MIER1: variants seen among roughly 807,000 people sequenced by gnomAD.
The protein encoded by MIER1 is MIER1 transcriptional regulator, also known as mesoderm induction early response protein 1.
MIER1 carries 40 observed loss-of-function variants against 75.7 expected under a neutral mutation model. The ratio of observed to expected loss-of-function variants is 0.53; its 90% CI spans 0.41 to 0.69. The LOEUF (loss-of-function observed/expected upper bound fraction) is 0.69. Ranked by LOEUF, MIER1 falls within the 30% of genes least tolerant of loss-of-function variation. The probability of loss-of-function intolerance (pLI) is 0.00; values close to 1 mark genes in which losing one functional copy is unlikely to be tolerated. For synonymous variants in MIER1, 213 were observed against 223.4 expected (o/e 0.95, Z 0.42); for missense variants, 574 against 680.2 (o/e 0.84, Z 1.74).
chr1:66,974,554 C>T (rs780114720), intron 11 of MIER1, among the ~76,000 whole-genome samples: 3 of 151,902 alleles, frequency 2.0e-5, no homozygotes, highest in Non-Finnish European at 2.9e-5. Flanking sequence ...CAAGCAGCAG[C>T]AACAACCCTG....
chr1:66,965,960 T>A (rs1570416750), intron 8 of MIER1, among the ~76,000 whole-genome samples: 2 of 152,188 alleles, frequency 1.3e-5, no homozygotes, highest in East Asian at 3.8e-4. Flanking sequence ...TGACCTTCAG[T>A]TCCATCCATG....
intron 3 of MIER1, among the ~76,000 whole-genome samples, chr1:66,944,107 A>C (rs889702375): frequency 6.6e-6 from 1 of 152,050 alleles, no homozygotes; most frequent in Non-Finnish European, 1.5e-5. Context: ...TATGGTAAGC[A>C]CTCAAAAAAA....
intron 4 of MIER1, among the ~76,000 whole-genome samples, chr1:66,949,667 C>CT (rs1307172610): frequency 6.6e-6 from 1 of 152,146 alleles, no homozygotes; most frequent in Admixed American, 6.6e-5. Context: ...GTTATTAACT[C>CT]TTTAGGTTTG....
intron 8 of MIER1, among the ~76,000 whole-genome samples, chr1:66,966,069 G>A (rs555504384): frequency 1.3e-5 from 2 of 151,704 alleles, no homozygotes; most frequent in South Asian, 2.1e-4. Context: ...AAGTTCTAGG[G>A]TACATGTGCA....
At chr1:66,936,034 A>G (rs1271669204) in intron 2 of MIER1, among the ~76,000 whole-genome samples, 1 of 152,120 alleles carries the variant, frequency 6.6e-6, no homozygotes, top group Non-Finnish European at 1.5e-5. Flanking sequence ...AAAATATATC[A>G]GTAGGATAAG....
intron 2 of MIER1, among the ~76,000 whole-genome samples, chr1:66,938,635 C>A (rs1282121546): frequency 6.6e-6 from 1 of 152,140 alleles, no homozygotes; most frequent in Middle Eastern, 3.2e-3. Context: ...TTGCATTACT[C>A]TTGTCATGTC....
Position 66,986,001 on chromosome 1 carries a change from C to G in MIER1, c.*1101C>G, listed in dbSNP as rs1666734840. On this transcript the variant is annotated 3_prime_UTR_variant, in exon 14 of 14. Coordinates refer to ENST00000401041, the MANE Select transcript of MIER1 (RefSeq NM_001077700.3). ...TAAATATATCATGCTGACCAGAATC[C>G]TGTTATTTTTATATGCATCATAAAA... 1 of 989,412 alleles carries G rather than the reference C, an allele frequency of 1.0e-6. No individual in the cohort carries two copies. The highest frequency in any genetic ancestry group is 4.6e-5 in the South Asian group (1 of 21,610). 61.3% of individuals were successfully genotyped at this position (989,412 alleles called of 1,614,324 possible). A position where few individuals can be genotyped will look rare whatever the true frequency, so the allele number is the denominator to read the frequency against.
intron 2 of MIER1, among the ~76,000 whole-genome samples, chr1:66,930,895 G>A (rs1488103110): frequency 6.6e-6 from 1 of 152,010 alleles, no homozygotes; most frequent in Non-Finnish European, 1.5e-5. Context: ...TTTCATGATC[G>A]TGGTAAAATG....
At chr1:66,974,718 A>G (rs1191594254) in intron 11 of MIER1, among the ~76,000 whole-genome samples, 2 of 152,180 alleles carry the variant, frequency 1.3e-5, no homozygotes, top group Non-Finnish European at 2.9e-5. Context: ...GCTGACCTCT[A>G]CATAATACAC....
At chr1:66,926,068 A>T in intron 1 of MIER1, 74 bp from the exon 2 acceptor site, 1 of 1,207,988 alleles carries the variant, frequency 8.3e-7, no homozygotes, top group Non-Finnish European at 1.2e-6. Flanking sequence ...TAAAAATGCG[A>T]AACAGGGTGG....
At chr1:66,983,238 TAC>T (rs975901374) in intron 13 of MIER1, among the ~76,000 whole-genome samples, 10 of 152,262 alleles carry the variant, frequency 6.6e-5, no homozygotes, top group African/African-American at 9.6e-5. Context: ...TTTGAAATCT[TAC>T]AGTTATTTTT....
intron 11 of MIER1, among the ~76,000 whole-genome samples, chr1:66,973,847 A>G (rs550127528): frequency 2.0e-5 from 3 of 152,236 alleles, no homozygotes; most frequent in African/African-American, 7.2e-5. Flanking sequence ...GTAATTCCTT[A>G]AAGATAGCTT....
intron 8 of MIER1, among the ~76,000 whole-genome samples, chr1:66,966,823 G>A (rs140061233): frequency 4.1e-4 from 62 of 152,266 alleles, no homozygotes; most frequent in Middle Eastern, 3.4e-3. Flanking sequence ...TTTGAGAAAT[G>A]TCTCTTCAGA....
Position 66,970,864 on chromosome 1 carries a change from G to A in MIER1, c.829G>A (p.Val277Met). The change falls in exon 9 of 14, where the codon GTG becomes ATG. Residue 277 changes from valine to methionine, a missense_variant. Val to Met is a conservative substitution (Grantham distance 21, BLOSUM62 1). Transcript: ENST00000401041. ...CCCTGAGTACTTACCAGAAGATAAA[G>A]TGATTATATTTCTTAAAGATGCATC... is the stretch of plus-strand genomic sequence containing the variant. Reference protein sequence around the residue: ...WDPEYLPEDKVIIFLKDASRR... With the variant: ...WDPEYLPEDKMIIFLKDASRR... The A allele has an allele frequency of 6.3e-7, 1 of 1,597,168 alleles. No homozygotes were observed. Among genetic ancestry groups the A allele is most frequent in the Non-Finnish European group, 8.5e-7 (1 of 1,174,508 alleles).
At chr1:66,926,528 G>A (rs965953751) in intron 2 of MIER1, among the ~76,000 whole-genome samples, 3 of 152,182 alleles carry the variant, frequency 2.0e-5, no homozygotes, top group Non-Finnish European at 4.4e-5. Context: ...GTGTTTTAGA[G>A]TGGCATTAAT....
At chr1:66,961,088 G>T (rs1173361922) in intron 7 of MIER1, among the ~76,000 whole-genome samples, 1 of 151,972 alleles carries the variant, frequency 6.6e-6, no homozygotes, top group Non-Finnish European at 1.5e-5. Context: ...CTCAGAAAGG[G>T]TATTAATTAA....
At chr1:66,925,283 A>G in intron 1 of MIER1, 188 bp downstream of exon 1, 3 of 984,714 alleles carry the variant, frequency 3.0e-6, no homozygotes, top group Non-Finnish European at 3.6e-6. Flanking sequence ...CGGCTGCCAA[A>G]GGCGCATGCG....
At chr1:66,953,600 T>TC (rs1659469964) in intron 4 of MIER1, among the ~76,000 whole-genome samples, 1 of 148,734 alleles carries the variant, frequency 6.7e-6, no homozygotes, top group African/African-American at 2.6e-5. Context: ...CTTTTCCTTT[T>TC]TTTTTTTTTT....
At chr1:66,926,075 G>A (rs1291278294) in intron 1 of MIER1, 67 bp from the exon 2 acceptor site, 2 of 1,254,302 alleles carry the variant, frequency 1.6e-6, no homozygotes, top group African/African-American at 2.9e-5. Flanking sequence ...GCGAAACAGG[G>A]TGGATGGTGA....
Sources: allele counts gnomAD v4.1 joint callset (sites outside exome capture counted in the v4.1 genomes callset), GRCh38; gene constraint gnomAD v4.1.1; transcripts MANE v1.5; gene names NCBI Gene and HGNC (gene_info 2026-07-23, HGNC 2026-07-21).